Variants in CBL observed in about 807,000 individuals in gnomAD.
CBL encodes E3 ubiquitin-protein ligase CBL.
Under a neutral mutation model 96.9 loss-of-function variants are expected in CBL, and 45 were observed. That is an observed-to-expected ratio of 0.46 (90% CI 0.37 to 0.60). CBL has a LOEUF of 0.60. CBL is among the 20% of genes least tolerant of loss of function. CBL has a pLI of 0.00. For synonymous variants in CBL, 420 were observed against 426.8 expected (o/e 0.98, Z 0.20); for missense variants, 1,024 against 1,143.5 (o/e 0.90, Z 1.51).
intron 2 of CBL, among the ~76,000 whole-genome samples, chr11:119,234,421 T>C (rs1949526678): frequency 6.6e-6 from 1 of 152,228 alleles, no homozygotes; most frequent in Non-Finnish European, 1.5e-5. Context: ...TTTGTAACTT[T>C]TGTTAAAACC....
chr11:119,271,185 ATACAT>A (rs1949846417), intron 2 of CBL, among the ~76,000 whole-genome samples: 1 of 152,252 alleles, frequency 6.6e-6, no homozygotes, highest in Non-Finnish European at 1.5e-5. Context: ...GCAGGAAATA[ATACAT>A]TGGTTTCCTA....
intron 12 of CBL, among the ~76,000 whole-genome samples, chr11:119,295,026 G>A (rs557694316): frequency 6.6e-6 from 1 of 152,300 alleles, no homozygotes; most frequent in East Asian, 1.9e-4. Flanking sequence ...TTATACATCA[G>A]TGTAACTAAA....
intron 2 of CBL, among the ~76,000 whole-genome samples, chr11:119,264,460 C>CT (rs1949784165): frequency 1.4e-5 from 2 of 140,106 alleles, no homozygotes; most frequent in Admixed American, 7.1e-5. Flanking sequence ...CTCTTCTCTT[C>CT]TCTTTTCTTC....
chr11:119,257,248 A>G (rs1949718703), intron 2 of CBL, among the ~76,000 whole-genome samples: 3 of 152,206 alleles, frequency 2.0e-5, no homozygotes, highest in Non-Finnish European at 2.9e-5. Context: ...ATTCCCTTTC[A>G]CTATGTACAC....
chr11:119,271,930 A>C (rs1247840209), intron 3 of CBL, 49 bp downstream of exon 3: 1 of 1,577,458 alleles, frequency 6.3e-7, no homozygotes. Context: ...AAAGCTTACG[A>C]GTTTTTTCTT....
chr11:119,214,256 T>TTA (rs1949340609), intron 1 of CBL, among the ~76,000 whole-genome samples: 1 of 151,882 alleles, frequency 6.6e-6, no homozygotes, highest in Admixed American at 6.6e-5. Context: ...TTTTTTTTTT[T>TTA]TAAAGTCAGA....
Position 119,300,120 on chromosome 11 carries a change from A to T in CBL, c.*339A>T. The T allele has an allele frequency of 7.6e-6, 4 of 529,070 alleles. No individual in the cohort carries two copies. The highest frequency in any genetic ancestry group is 2.5e-5 in the South Asian group (1 of 39,502). The allele number at this position is 529,070 out of a possible 1,614,324, so 32.8% of individuals were successfully genotyped here. A position where few individuals can be genotyped will look rare whatever the true frequency, so the allele number is the denominator to read the frequency against. ...TGGAAATCCTAATTGAGGACTTAAG[A>T]CTTCCTGGGTTAAGGATGTGGCCGT... On this transcript the variant is annotated 3_prime_UTR_variant, in exon 16 of 16. Transcript: ENST00000264033.
chr11:119,245,211 G>A (rs945575544), intron 2 of CBL, among the ~76,000 whole-genome samples: 1 of 144,442 alleles, frequency 6.9e-6, no homozygotes, highest in Admixed American at 6.9e-5. Flanking sequence ...CTACCTGCTT[G>A]TCTAGAGCTT....
At chr11:119,270,432 A>T (rs866679201) in intron 2 of CBL, among the ~76,000 whole-genome samples, 1 of 52,284 alleles carries the variant, frequency 1.9e-5, no homozygotes, top group Admixed American at 2.1e-4. Flanking sequence ...ATATATATAT[A>T]TATATTTTTT....
chr11:119,283,896 C>G (rs967016970), intron 9 of CBL, among the ~76,000 whole-genome samples: 13 of 151,986 alleles, frequency 8.6e-5, no homozygotes, highest in Non-Finnish European at 5.9e-5. Context: ...CTCAGCCTCC[C>G]AAAGTGCTGC....
At chr11:119,255,152 C>T (rs1949701716) in intron 2 of CBL, among the ~76,000 whole-genome samples, 1 of 152,074 alleles carries the variant, frequency 6.6e-6, no homozygotes, top group Admixed American at 6.5e-5. Flanking sequence ...AGTTAAAAAG[C>T]GTGAGTTTGG....
intron 1 of CBL, among the ~76,000 whole-genome samples, chr11:119,224,236 C>T (rs914471860): frequency 6.6e-6 from 1 of 152,152 alleles, no homozygotes; most frequent in Non-Finnish European, 1.5e-5. Flanking sequence ...AGGGCTGATA[C>T]ATTGTCATGA....
At chr11:119,276,652 A>G (rs1949891554) in intron 6 of CBL, among the ~76,000 whole-genome samples, 22 of 152,258 alleles carry the variant, frequency 1.4e-4, no homozygotes, top group Admixed American at 1.4e-3. Context: ...CAAATTAATT[A>G]TCAGTTGGTA....
At chr11:119,212,636 A>AAATG (rs957052531) in intron 1 of CBL, among the ~76,000 whole-genome samples, 2 of 152,102 alleles carry the variant, frequency 1.3e-5, no homozygotes, top group African/African-American at 2.4e-5. Context: ...CAAAATAAAT[A>AAATG]AATGAATGAA....
chr11:119,284,279 A>AC (rs1173055347), intron 9 of CBL, among the ~76,000 whole-genome samples: 2 of 150,474 alleles, frequency 1.3e-5, no homozygotes, highest in Non-Finnish European at 3.0e-5. Flanking sequence ...TAATATCTGC[A>AC]CCCCCCGCCC....
intron 1 of CBL, among the ~76,000 whole-genome samples, chr11:119,225,049 GGTGTGT>G (rs143591231): frequency 6.7e-6 from 1 of 148,890 alleles, no homozygotes; most frequent in Non-Finnish European, 1.5e-5. Flanking sequence ...AACTCTTTGG[GGTGTGT>G]GTGTGTGTGT....
chr11:119,269,246 CTTTTTTTTTT>C (rs11317875), intron 2 of CBL, among the ~76,000 whole-genome samples: 2 of 118,350 alleles, frequency 1.7e-5, no homozygotes, highest in South Asian at 5.7e-4. Flanking sequence ...TGGATAAGTG[CTTTTTTTTTT>C]TTTTTTTTTG....
rs55982813 is a variant in CBL at position 119,253,835 on chromosome 11, TAAAAACAAAAAC to T, written c.444-17882_444-17871del. ...CTGGGCAACACAGTGAGACCCCATC[TAAAAACAAAAAC>T]AAAAACAAAAACAAAAATATCATCA... is the stretch of plus-strand genomic sequence containing the variant. On this transcript the variant is annotated intron_variant, in intron 2 of 15. Coordinates refer to ENST00000264033, the MANE Select transcript of CBL (RefSeq NM_005188.4). Among the ~76,000 whole-genome samples, 389 of 148,462 alleles carry T rather than the reference TAAAAACAAAAAC, an allele frequency of 2.6e-3. 3 individuals are homozygous for T. The highest frequency in any genetic ancestry group is 4.5e-3 in the Non-Finnish European group (304 of 67,330).
In CBL at chr11:119,278,621, G is replaced by A. The variant is rs867290095; in HGVS notation, c.1339G>A (p.Ala447Thr). The change falls in exon 9 of 16, where the codon GCA (alanine) becomes ACA (threonine). Residue 447 changes from alanine to threonine, a missense_variant. Physicochemically the swap from Ala to Thr is moderately conservative, Grantham distance 58. Coordinates refer to ENST00000264033, the MANE Select transcript of CBL (RefSeq NM_005188.4). Reference sequence around the variant, plus strand: ...GAGTGGCAGCCTGTTGAGGCAAGGAGCAGAGGGAGCTCCCTCCCCAAATTA... The same window carrying A: ...GAGTGGCAGCCTGTTGAGGCAAGGAACAGAGGGAGCTCCCTCCCCAAATTA... Reference protein sequence around the residue: ...RGSGSLLRQGAEGAPSPNYDD... With the variant: ...RGSGSLLRQGTEGAPSPNYDD... 4 of 1,613,920 alleles carry A rather than the reference G, an allele frequency of 2.5e-6. No individual in the cohort carries two copies. The African/African-American group carries it at 4.0e-5, about 16-fold the overall frequency.
Sources: allele counts gnomAD v4.1 joint callset (sites outside exome capture counted in the v4.1 genomes callset), GRCh38; gene constraint gnomAD v4.1.1; transcripts MANE v1.5; gene names NCBI Gene and HGNC (gene_info 2026-07-23, HGNC 2026-07-21).